Variants in FBXL17 observed in about 807,000 individuals in gnomAD.
The protein encoded by FBXL17 is F-box/LRR-repeat protein 17.
A neutral mutation model predicts 66.2 loss-of-function variants in FBXL17; 22 were observed. The ratio of observed to expected loss-of-function variants is 0.33; its 90% CI spans 0.24 to 0.47. The LOEUF is 0.47. FBXL17 is among the 20% of genes least tolerant of loss of function. The pLI, the probability that FBXL17 is intolerant of heterozygous loss-of-function variation, is 1.00. For synonymous variants in FBXL17, 474 were observed against 400.5 expected (o/e 1.18, Z -2.19); for missense variants, 878 against 948.2 (o/e 0.93, Z 0.97).
At chr5:108,047,061 C>T (rs534930680) in intron 6 of FBXL17, among the ~76,000 whole-genome samples, 69 of 152,236 alleles carry the variant, frequency 4.5e-4, no homozygotes, top group African/African-American at 1.6e-3. Flanking sequence ...CAATGGGAGG[C>T]TACCATGAAA....
intron 6 of FBXL17, among the ~76,000 whole-genome samples, chr5:108,107,128 G>A (rs1749829689): frequency 6.6e-6 from 1 of 152,136 alleles, no homozygotes; most frequent in South Asian, 2.1e-4. Flanking sequence ...CTGGAGTGCA[G>A]TGGTGAGATC....
At position 108,136,926 on chromosome 5, in the gene FBXL17, C is replaced by T. The variant is rs138535681; in HGVS notation, c.1745+49191G>A. Among the ~76,000 whole-genome samples, 624 of 152,138 alleles carry T rather than the reference C, an allele frequency of 4.1e-3. 3 individuals are homozygous for T. The highest frequency in any genetic ancestry group is 0.014 in the African/African-American group (596 of 41,526). On this transcript the variant is annotated intron_variant, in intron 6 of 8. Coordinates refer to ENST00000542267, the MANE Select transcript of FBXL17 (RefSeq NM_001163315.3). ...TTTTAACTTATTAATTACTTCAAAA[C>T]TATAACTTAAAATTGTATATTTAAA...
chr5:108,287,138 C>T (rs1757930693), intron 4 of FBXL17, among the ~76,000 whole-genome samples: 1 of 151,944 alleles, frequency 6.6e-6, no homozygotes, highest in Non-Finnish European at 1.5e-5. Context: ...AAATTAAAGA[C>T]TTAAATATAA....
At chr5:107,913,843 G>A (rs1278716763) in intron 7 of FBXL17, among the ~76,000 whole-genome samples, 1 of 152,012 alleles carries the variant, frequency 6.6e-6, no homozygotes, top group Non-Finnish European at 1.5e-5. Flanking sequence ...GCCAAACCAG[G>A]GCAATTTTAG....
intron 6 of FBXL17, among the ~76,000 whole-genome samples, chr5:108,027,743 C>T (rs557861860): frequency 6.6e-6 from 1 of 152,108 alleles, no homozygotes; most frequent in South Asian, 2.1e-4. Flanking sequence ...TGAAGGTCAG[C>T]ATTTCCTTTA....
chr5:107,925,914 T>G (rs1039040548), intron 7 of FBXL17, among the ~76,000 whole-genome samples: 36 of 152,198 alleles, frequency 2.4e-4, no homozygotes, highest in Admixed American at 2.2e-3. Context: ...GGTTTCATGC[T>G]TTCACAGACT....
chr5:108,198,974 T>C (rs921016320), intron 5 of FBXL17, among the ~76,000 whole-genome samples: 1 of 151,976 alleles, frequency 6.6e-6, no homozygotes, highest in Non-Finnish European at 1.5e-5. Context: ...ATTTATAACT[T>C]TGATTTATAT....
At chr5:108,336,292 G>A (rs978982635) in intron 4 of FBXL17, among the ~76,000 whole-genome samples, 2 of 152,120 alleles carry the variant, frequency 1.3e-5, no homozygotes, top group African/African-American at 2.4e-5. Context: ...AGATCTGCCT[G>A]ATGCATTTTA....
chr5:107,968,749 A>T (rs543364784), intron 7 of FBXL17, among the ~76,000 whole-genome samples: 1 of 152,178 alleles, frequency 6.6e-6, no homozygotes, highest in African/African-American at 2.4e-5. Flanking sequence ...TGCACTCTGT[A>T]CTTTCTTTAT....
chr5:108,177,752 T>C (rs1408489983), intron 6 of FBXL17, among the ~76,000 whole-genome samples: 2 of 151,902 alleles, frequency 1.3e-5, no homozygotes, highest in Non-Finnish European at 2.9e-5. Context: ...GTCTGGGCCT[T>C]AATTCCTTTG....
intron 7 of FBXL17, among the ~76,000 whole-genome samples, chr5:107,996,810 A>G (rs1467521116): frequency 1.3e-5 from 2 of 152,208 alleles, no homozygotes; most frequent in African/African-American, 2.4e-5. Context: ...TTTTGAACTT[A>G]GGCCTGCTTG....
At chr5:107,911,522 C>G (rs1030440508) in intron 7 of FBXL17, among the ~76,000 whole-genome samples, 8 of 152,050 alleles carry the variant, frequency 5.3e-5, no homozygotes, top group Non-Finnish European at 8.8e-5. Flanking sequence ...TATTAACTCA[C>G]ACACCTTGCA....
chr5:107,901,629 G>GAAAAGACA (rs1749570046), intron 7 of FBXL17, among the ~76,000 whole-genome samples: 1 of 152,066 alleles, frequency 6.6e-6, no homozygotes, highest in Admixed American at 6.6e-5. Context: ...CTTCTCCTCC[G>GAAAAGACA]TAAAGACATG....
At chr5:108,103,555 A>G (rs1195825272) in intron 6 of FBXL17, among the ~76,000 whole-genome samples, 3 of 150,222 alleles carry the variant, frequency 2.0e-5, no homozygotes, top group African/African-American at 7.6e-5. Flanking sequence ...GTGAGAATCA[A>G]AAGTAAACAA....
intron 7 of FBXL17, among the ~76,000 whole-genome samples, chr5:107,938,588 C>A (rs1323996333): frequency 6.6e-6 from 1 of 152,080 alleles, no homozygotes; most frequent in East Asian, 1.9e-4. Context: ...AAAATAACTT[C>A]ACTTTCAGCT....
At chr5:107,969,188 A>G (rs971861344) in intron 7 of FBXL17, among the ~76,000 whole-genome samples, 2 of 152,170 alleles carry the variant, frequency 1.3e-5, no homozygotes, top group Admixed American at 6.5e-5. Context: ...GACCTTTTGC[A>G]GAAAAGGCTG....
intron 7 of FBXL17, among the ~76,000 whole-genome samples, chr5:108,014,182 T>A (rs1223698468): frequency 1.3e-5 from 2 of 152,144 alleles, no homozygotes; most frequent in African/African-American, 2.4e-5. Context: ...TTTCAAAGAC[T>A]AATGTTAAAA....
Position 108,382,032 on chromosome 5 carries a change from A to T in FBXL17, c.-341T>A. On this transcript the variant is annotated 5_prime_UTR_variant, in exon 1 of 9. Transcript: ENST00000542267. ...CAGTCAGTCAGCGGAGCGGCCGGGGAAAGGCCGGGTCCCGCTCGGACCATT... is the reference window on the plus strand; with the variant it reads ...CAGTCAGTCAGCGGAGCGGCCGGGGTAAGGCCGGGTCCCGCTCGGACCATT... The T allele has an allele frequency of 9.8e-7, 1 of 1,020,892 alleles. No individual in the cohort carries two copies. The highest frequency in any genetic ancestry group is 1.2e-6 in the Non-Finnish European group (1 of 829,432). The allele number at this position is 1,020,892 out of a possible 1,614,324, so 63.2% of individuals were successfully genotyped here. A position where few individuals can be genotyped will look rare whatever the true frequency, so the allele number is the denominator to read the frequency against.
intron 8 of FBXL17, among the ~76,000 whole-genome samples, chr5:107,873,764 T>C (rs556506070): frequency 1.1e-4 from 16 of 152,336 alleles, no homozygotes; most frequent in African/African-American, 3.8e-4. Flanking sequence ...TTCTCTCATA[T>C]AATTACTGAA....
Sources: allele counts gnomAD v4.1 joint callset (sites outside exome capture counted in the v4.1 genomes callset), GRCh38; gene constraint gnomAD v4.1.1; transcripts MANE v1.5; gene names NCBI Gene and HGNC (gene_info 2026-07-23, HGNC 2026-07-21).